CNBD1: variants seen among roughly 807,000 people sequenced by gnomAD.
CNBD1 encodes cyclic nucleotide-binding domain-containing protein 1.
A neutral mutation model predicts 54.4 loss-of-function variants in CNBD1; 71 were observed. The ratio of observed to expected loss-of-function variants is 1.30; its 90% CI spans 1.08 to 1.59. CNBD1 has a LOEUF of 1.59. Among genes scored for constraint, CNBD1 ranks in the 40% most tolerant of loss-of-function variants. CNBD1 has a pLI of 0.00. For missense variants in CNBD1, 659 were observed against 518.0 expected (o/e 1.27, Z -2.64); for synonymous variants, 182 against 170.7 (o/e 1.07, Z -0.51).
chr8:87,425,350 C>T (rs1220227475), intron 2 of CNBD1, among the ~76,000 whole-genome samples: 5 of 152,178 alleles, frequency 3.3e-5, no homozygotes, highest in East Asian at 1.9e-4. Context: ...AGCTTTGTTC[C>T]GTTGCTGGTG....
intron 4 of CNBD1, among the ~76,000 whole-genome samples, chr8:87,077,720 A>C (rs1393703939): frequency 2.0e-5 from 3 of 151,916 alleles, no homozygotes; most frequent in African/African-American, 4.8e-5. Context: ...TTCCAGCTTC[A>C]TCCATGTCCC....
chr8:87,041,534 C>G (rs1041391628), intron 4 of CNBD1, among the ~76,000 whole-genome samples: 5 of 152,216 alleles, frequency 3.3e-5, no homozygotes, highest in African/African-American at 1.2e-4. Flanking sequence ...CATCTATGGT[C>G]ACACCTGTAA....
intron 2 of CNBD1, among the ~76,000 whole-genome samples, chr8:86,893,873 A>T (rs1808808385): frequency 6.6e-6 from 1 of 151,686 alleles, no homozygotes; most frequent in African/African-American, 2.4e-5. Context: ...TCTATTGTTT[A>T]TCACTCATTT....
At chr8:87,322,928 A>C (rs1446106101) in intron 8 of CNBD1, among the ~76,000 whole-genome samples, 1 of 109,508 alleles carries the variant, frequency 9.1e-6, no homozygotes, top group Non-Finnish European at 1.9e-5. Context: ...TAGGGTTTTT[A>C]TGGTTTTAGG....
intron 4 of CNBD1, among the ~76,000 whole-genome samples, chr8:86,976,018 C>T (rs911040036): frequency 5.3e-5 from 8 of 151,718 alleles, no homozygotes; most frequent in Admixed American, 4.6e-4. Flanking sequence ...GTTGACCACG[C>T]ATATTTTTTT....
In CNBD1 at chr8:86,866,547, A is replaced by G. The variant is rs754572531; in HGVS notation, c.52A>G (p.Asn18Asp). The G allele has an allele frequency of 6.2e-7, 1 of 1,611,950 alleles. No homozygotes were observed. Residue 18 changes from asparagine (N) to aspartate (D), a missense_variant, in exon 1 of 11, where the codon AAC (asparagine) becomes GAC (aspartate). By Grantham distance (23) the Asn-to-Asp change is conservative (BLOSUM62 1). Coordinates refer to ENST00000518476, the MANE Select transcript of CNBD1 (RefSeq NM_173538.3). ...TATTTTGTCTCACATGACAGCTATTAACAATGTGCCTCCTCCTCCACTTCA... is the reference window on the plus strand; with the variant it reads ...TATTTTGTCTCACATGACAGCTATTGACAATGTGCCTCCTCCTCCACTTCA... ...AAILSHMTAI[N>D]NVPPPPLHSI... is the part of the protein sequence containing the mutation.
intron 4 of CNBD1, among the ~76,000 whole-genome samples, chr8:87,090,268 C>T (rs1234559860): frequency 6.6e-6 from 1 of 152,110 alleles, no homozygotes; most frequent in East Asian, 1.9e-4. Flanking sequence ...TTTGGTGATT[C>T]TCTAATATAT....
chr8:87,160,487 A>G (rs1403043605), intron 4 of CNBD1, among the ~76,000 whole-genome samples: 2 of 152,172 alleles, frequency 1.3e-5, no homozygotes, highest in African/African-American at 4.8e-5. Flanking sequence ...AGCATTTGAC[A>G]TAAAGGTCAA....
At chr8:87,408,768 C>T (rs1360467193) in intron 2 of CNBD1, among the ~76,000 whole-genome samples, 1 of 152,090 alleles carries the variant, frequency 6.6e-6, no homozygotes, top group Non-Finnish European at 1.5e-5. Flanking sequence ...GTAGCTCAAA[C>T]TTCTCATTAT....
Position 87,137,053 on chromosome 8 carries a change from T to C in CNBD1, c.432-68940T>C, listed in dbSNP as rs1586281946. On this transcript the variant is annotated intron_variant, in intron 4 of 10. Coordinates refer to ENST00000518476, the MANE Select transcript of CNBD1 (RefSeq NM_173538.3). ...ATATTTATATTCTATGTAAATTATATATATTATATTTATATTCTATGTAAA... is the reference window on the plus strand; with the variant it reads ...ATATTTATATTCTATGTAAATTATACATATTATATTTATATTCTATGTAAA... Among the ~76,000 whole-genome samples the C allele has an allele frequency of 3.9e-5, 5 of 129,798 alleles. No individual in the cohort carries two copies. In the South Asian group the frequency reaches 1.1e-3, roughly 30 times the overall value. The allele number at this position is 129,798 out of a possible 152,430, so 85.2% of individuals were successfully genotyped here.
chr8:87,206,234 T>A, intron 5 of CNBD1, 96 bp downstream of exon 5: 12 of 991,550 alleles, frequency 1.2e-5, no homozygotes, highest in Non-Finnish European at 1.7e-5. Context: ...CACTTAACAA[T>A]TTCAGTTGAC....
At chr8:87,079,281 G>A (rs756817782) in intron 4 of CNBD1, among the ~76,000 whole-genome samples, 2 of 152,020 alleles carry the variant, frequency 1.3e-5, no homozygotes, top group Non-Finnish European at 2.9e-5. Flanking sequence ...ATTTTGGATA[G>A]TGAATAAAGG....
At chr8:86,888,292 C>T (rs1808710105) in intron 2 of CNBD1, among the ~76,000 whole-genome samples, 1 of 152,084 alleles carries the variant, frequency 6.6e-6, no homozygotes, top group South Asian at 2.1e-4. Flanking sequence ...TCTATTTTCT[C>T]ATTTCTTCTG....
intron 8 of CNBD1, among the ~76,000 whole-genome samples, chr8:87,308,269 G>T (rs1384728102): frequency 6.6e-6 from 1 of 151,990 alleles, no homozygotes; most frequent in African/African-American, 2.4e-5. Context: ...GTCCTTTTTG[G>T]AACCCTGGAC....
At chr8:87,059,846 A>G (rs970398029) in intron 4 of CNBD1, among the ~76,000 whole-genome samples, 1 of 152,138 alleles carries the variant, frequency 6.6e-6, no homozygotes, top group African/African-American at 2.4e-5. Context: ...GACAGCCTTT[A>G]CTTGAGATCC....
chr8:87,317,414 C>G (rs1269228026), intron 8 of CNBD1, among the ~76,000 whole-genome samples: 3 of 151,284 alleles, frequency 2.0e-5, no homozygotes, highest in African/African-American at 7.3e-5. Context: ...TTCCAGTTTT[C>G]CTGTAGATTT....
intron 2 of CNBD1, among the ~76,000 whole-genome samples, chr8:87,419,097 ATG>A (rs1807882928): frequency 9.9e-6 from 1 of 100,996 alleles, no homozygotes; most frequent in South Asian, 2.4e-4. Context: ...TCCATATTAT[ATG>A]TATATATATA....
chr8:87,383,360 G>A (rs1056320737), downstream of CNBD1, among the ~76,000 whole-genome samples: 16 of 152,116 alleles, frequency 1.1e-4, no homozygotes, highest in Non-Finnish European at 1.9e-4. Context: ...TAGTAAGGGG[G>A]AAAACCGTAC....
chr8:86,889,688 T>A (rs2131790284), intron 2 of CNBD1, among the ~76,000 whole-genome samples: 1 of 152,262 alleles, frequency 6.6e-6, no homozygotes, highest in South Asian at 2.1e-4. Flanking sequence ...ATGATATCAC[T>A]TTGGATTTCT....
Sources: allele counts gnomAD v4.1 joint callset (sites outside exome capture counted in the v4.1 genomes callset), GRCh38; gene constraint gnomAD v4.1.1; transcripts MANE v1.5; gene names NCBI Gene and HGNC (gene_info 2026-07-23, HGNC 2026-07-21).